The following PRKCA variants were observed in gnomAD, a reference collection of about 807,000 sequenced individuals.
PRKCA encodes protein kinase C alpha, also known as protein kinase C alpha type.
In PRKCA, 27 loss-of-function variants were observed where a neutral mutation model predicts 87.0. The observed-to-expected ratio is 0.31, with a 90% CI of 0.23 to 0.43. PRKCA has a LOEUF of 0.43. Among genes scored for constraint, PRKCA ranks in the 20% least tolerant of loss-of-function variants. PRKCA has a pLI of 1.00. For synonymous variants in PRKCA, 329 were observed against 311.1 expected, an observed-to-expected ratio of 1.06 and a Z score of -0.61; for missense variants, 518 against 852.3, an observed-to-expected ratio of 0.61 and a Z score of 4.88.
At chr17:66,452,167 G>T (rs1164119795) in intron 2 of PRKCA, among the ~76,000 whole-genome samples, 3 of 152,134 alleles carry the variant, frequency 2.0e-5, no homozygotes, top group African/African-American at 7.2e-5. Context: ...AAATACTGCC[G>T]GTGGCTTCAT....
intron 2 of PRKCA, among the ~76,000 whole-genome samples, chr17:66,377,881 A>G (rs1909560345): frequency 6.6e-6 from 1 of 151,420 alleles, no homozygotes; most frequent in Non-Finnish European, 1.5e-5. Context: ...TCAACCTCCC[A>G]AAGTACTGGG....
At chr17:66,485,750 C>A (rs1043666529) in intron 2 of PRKCA, among the ~76,000 whole-genome samples, 14 of 152,080 alleles carry the variant, frequency 9.2e-5, no homozygotes, top group Non-Finnish European at 1.5e-5. Flanking sequence ...ACTGAGGAGG[C>A]CTTGGACTGA....
At chr17:66,784,306 C>T (rs1167984409) in intron 14 of PRKCA, among the ~76,000 whole-genome samples, 6 of 152,212 alleles carry the variant, frequency 3.9e-5, no homozygotes, top group African/African-American at 7.2e-5. Context: ...AGTGCAGCAG[C>T]GCAATCTCAG....
intron 8 of PRKCA, among the ~76,000 whole-genome samples, chr17:66,728,898 C>T (rs1244170571): frequency 6.6e-6 from 1 of 152,250 alleles, no homozygotes; most frequent in Admixed American, 6.5e-5. Flanking sequence ...ACCGCAACTT[C>T]ACCCAGGTGA....
intron 5 of PRKCA, among the ~76,000 whole-genome samples, chr17:66,646,973 A>T (rs915364419): frequency 6.6e-6 from 1 of 152,128 alleles, no homozygotes; most frequent in Non-Finnish European, 1.5e-5. Flanking sequence ...CTATTGTGCC[A>T]TTGCCTTTGG....
intron 3 of PRKCA, among the ~76,000 whole-genome samples, chr17:66,518,697 A>G (rs1967054291): frequency 1.3e-5 from 2 of 152,232 alleles, no homozygotes; most frequent in Admixed American, 6.5e-5. Flanking sequence ...ATTAGAGAAT[A>G]CATTCAAAAA....
chr17:66,316,304 A>C (rs12940362), intron 2 of PRKCA, among the ~76,000 whole-genome samples: 1 of 152,302 alleles, frequency 6.6e-6, no homozygotes, highest in South Asian at 2.1e-4. Context: ...TCCTCTTGTA[A>C]CTTTTTGTTT....
intron 3 of PRKCA, among the ~76,000 whole-genome samples, chr17:66,576,159 A>G (rs964756762): frequency 6.6e-6 from 1 of 152,226 alleles, no homozygotes; most frequent in African/African-American, 2.4e-5. Context: ...CTGGAGGAAA[A>G]GCAAAATAAA....
At chr17:66,791,577 G>A (rs1975536866) in intron 16 of PRKCA, among the ~76,000 whole-genome samples, 1 of 152,208 alleles carries the variant, frequency 6.6e-6, no homozygotes, top group Non-Finnish European at 1.5e-5. Context: ...CCTCTTGAGA[G>A]CTGTTTCCTG....
intron 2 of PRKCA, among the ~76,000 whole-genome samples, chr17:66,361,814 AATATTTCCTGAAC>A (rs1908407895): frequency 6.6e-6 from 1 of 152,160 alleles, no homozygotes; most frequent in Non-Finnish European, 1.5e-5. Flanking sequence ...GTTAGTGGTT[AATATTTCCTGAAC>A]ATGTTCTCTG....
At chr17:66,472,393 A>T (rs1237838782) in intron 2 of PRKCA, among the ~76,000 whole-genome samples, 3 of 152,190 alleles carry the variant, frequency 2.0e-5, no homozygotes, top group African/African-American at 7.2e-5. Flanking sequence ...CCGCCTCTGC[A>T]CAGGTGTCCC....
chr17:66,313,456 G>T (rs753583205), intron 2 of PRKCA, among the ~76,000 whole-genome samples: 1 of 152,162 alleles, frequency 6.6e-6, no homozygotes. Flanking sequence ...CATTAACACT[G>T]CAGAAATAAA....
At chr17:66,777,976 T>TG (rs62621678) in intron 14 of PRKCA, 30,175 of 985,314 alleles carry the variant, frequency 0.031, 552 homozygotes, top group Middle Eastern at 0.089. Context: ...AAGTCCCCTT[T>TG]GGGGGGTGCA....
At chr17:66,480,947 C>G (rs1395582323) in intron 2 of PRKCA, among the ~76,000 whole-genome samples, 1 of 152,108 alleles carries the variant, frequency 6.6e-6, no homozygotes, top group Admixed American at 6.5e-5. Context: ...TTGACCTACT[C>G]CGTCTCCATA....
At chr17:66,333,930 T>A (rs6504415) in intron 2 of PRKCA, among the ~76,000 whole-genome samples, 147,381 of 152,272 alleles carry the variant, frequency 0.97, 71,332 homozygotes, top group East Asian at 1. Context: ...GAACACCTAA[T>A]ATAAAGTGTA....
chr17:66,427,066 T>C (rs1200004984), intron 2 of PRKCA, among the ~76,000 whole-genome samples: 1 of 152,230 alleles, frequency 6.6e-6, no homozygotes, highest in Non-Finnish European at 1.5e-5. Flanking sequence ...GACGAGGTCT[T>C]GCTCTGTCTT....
intron 3 of PRKCA, among the ~76,000 whole-genome samples, chr17:66,580,640 A>C (rs1969395190): frequency 2.6e-5 from 4 of 152,224 alleles, no homozygotes; most frequent in Admixed American, 2.6e-4. Flanking sequence ...ACATTTAAAC[A>C]TGCATACTTC....
intron 2 of PRKCA, among the ~76,000 whole-genome samples, chr17:66,456,010 C>T (rs928377039): frequency 1.3e-5 from 2 of 151,854 alleles, no homozygotes; most frequent in African/African-American, 2.4e-5. Flanking sequence ...CTGTTGTTCT[C>T]GTAAGAAGGC....
intron 13 of PRKCA, among the ~76,000 whole-genome samples, chr17:66,752,498 T>A (rs1366572781): frequency 6.6e-6 from 1 of 152,124 alleles, no homozygotes; most frequent in Non-Finnish European, 1.5e-5. Flanking sequence ...CTCAGGAGGT[T>A]GAGGCAGGAG....
Sources: allele counts gnomAD v4.1 joint callset (sites outside exome capture counted in the v4.1 genomes callset), GRCh38; gene constraint gnomAD v4.1.1; transcripts MANE v1.5; gene names NCBI Gene and HGNC (gene_info 2026-07-23, HGNC 2026-07-21).